SAMD5: variants seen among roughly 807,000 people sequenced by gnomAD.
SAMD5 encodes the protein sterile alpha motif domain containing 5.
SAMD5 carries 13 observed loss-of-function variants against 11.3 expected under a neutral mutation model. The ratio of observed to expected loss-of-function variants is 1.15; its 90% CI spans 0.75 to 1.83. The LOEUF is 1.83. SAMD5 is among the 40% of genes most tolerant of loss of function. The pLI, the probability that SAMD5 is intolerant of heterozygous loss-of-function variation, is 0.00. For missense variants in SAMD5, 255 were observed against 239.1 expected (o/e 1.07, Z -0.44); for synonymous variants, 129 against 111.3 (o/e 1.16, Z -1.00).
chr6:147,663,177 G>T (rs1790670171), intron 1 of SAMD5, among the ~76,000 whole-genome samples: 1 of 152,076 alleles, frequency 6.6e-6, no homozygotes, highest in African/African-American at 2.4e-5. Context: ...CTGTTCATCG[G>T]CATCTGGAAA....
intron 1 of SAMD5, among the ~76,000 whole-genome samples, chr6:147,520,088 G>A (rs1033405292): frequency 5.3e-5 from 8 of 150,034 alleles, no homozygotes; most frequent in African/African-American, 7.4e-5. Context: ...TTATGAAGTT[G>A]CTTTGTAAAA....
chr6:147,896,402 A>G, the SAMD5 span, among the ~76,000 whole-genome samples: 2 of 152,028 alleles, frequency 1.3e-5, no homozygotes, highest in South Asian at 2.1e-4. Context: ...GAGACAGGAC[A>G]ATTCATTCTG....
intron 1 of SAMD5, among the ~76,000 whole-genome samples, chr6:147,599,786 T>C (rs961803): frequency 0.05 from 7,546 of 152,314 alleles, 575 homozygotes; most frequent in African/African-American, 0.16. Context: ...AGGCTGGTCA[T>C]TGGCTGTTTC....
the SAMD5 span, among the ~76,000 whole-genome samples, chr6:147,815,052 A>C: frequency 2.2e-4 from 33 of 152,196 alleles, no homozygotes; most frequent in African/African-American, 7.7e-4. Context: ...CAATAGGCCA[A>C]CTGTCTGGGG....
At chr6:147,561,731 C>A (rs977988986) in intron 1 of SAMD5, among the ~76,000 whole-genome samples, 4 of 152,144 alleles carry the variant, frequency 2.6e-5, no homozygotes, top group Admixed American at 1.3e-4. Flanking sequence ...GCAGTTACCT[C>A]CTTCAAGCTT....
the SAMD5 span, among the ~76,000 whole-genome samples, chr6:147,852,114 T>C: frequency 6.6e-6 from 1 of 152,206 alleles, no homozygotes; most frequent in African/African-American, 2.4e-5. Flanking sequence ...GCATTTGTTT[T>C]GCAAGGCCCT....
chr6:147,772,656 C>T, the SAMD5 span, among the ~76,000 whole-genome samples: 1 of 152,128 alleles, frequency 6.6e-6, no homozygotes, highest in Non-Finnish European at 1.5e-5. Context: ...TCTCTGGGTC[C>T]TCACGGGGTC....
At chr6:147,622,959 C>T (rs1789993897) in intron 1 of SAMD5, among the ~76,000 whole-genome samples, 2 of 152,146 alleles carry the variant, frequency 1.3e-5, no homozygotes, top group African/African-American at 4.8e-5. Flanking sequence ...GAGACTTATT[C>T]ACTACCATGG....
At chr6:147,916,602 A>G in the SAMD5 span, among the ~76,000 whole-genome samples, 1 of 151,974 alleles carries the variant, frequency 6.6e-6, no homozygotes, top group Non-Finnish European at 1.5e-5. Context: ...CATGTGTACA[A>G]TGTGCAGGTT....
the SAMD5 span, among the ~76,000 whole-genome samples, chr6:147,916,278 T>G: frequency 6.6e-6 from 1 of 152,164 alleles, no homozygotes; most frequent in African/African-American, 2.4e-5. Context: ...AGTAATGGGA[T>G]GGCTGGGTCA....
the SAMD5 span, among the ~76,000 whole-genome samples, chr6:147,781,597 C>T: frequency 6.6e-6 from 1 of 152,082 alleles, no homozygotes; most frequent in Non-Finnish European, 1.5e-5. Context: ...GTGCTGTGAC[C>T]TTGGGCAAGA....
At chr6:147,653,469 G>A (rs965026727) in intron 1 of SAMD5, among the ~76,000 whole-genome samples, 3 of 152,194 alleles carry the variant, frequency 2.0e-5, no homozygotes, top group African/African-American at 7.2e-5. Context: ...GCTCCGTCGA[G>A]CAGTCCTCCT....
chr6:147,776,438 C>T, the SAMD5 span, among the ~76,000 whole-genome samples: 4 of 152,094 alleles, frequency 2.6e-5, no homozygotes, highest in Non-Finnish European at 5.9e-5. Context: ...CTCCTTCGCA[C>T]TCTGGTTTGG....
intron 1 of SAMD5, among the ~76,000 whole-genome samples, chr6:147,708,112 C>T (rs1200052473): frequency 6.6e-6 from 1 of 152,124 alleles, no homozygotes; most frequent in African/African-American, 2.4e-5. Context: ...AACCCCAGAA[C>T]CTCAGAATGT....
At chr6:147,659,261 A>T (rs192996280) in intron 1 of SAMD5, among the ~76,000 whole-genome samples, 38 of 40,094 alleles carry the variant, frequency 9.5e-4, no homozygotes, top group East Asian at 3.2e-3. Context: ...CAGTACATTT[A>T]AAAAAAAATA....
At chr6:147,627,377 A>T (rs1396636212) in intron 1 of SAMD5, among the ~76,000 whole-genome samples, 1 of 152,192 alleles carries the variant, frequency 6.6e-6, no homozygotes, top group Non-Finnish European at 1.5e-5. Context: ...TTTTTATCAT[A>T]CTAATTTGTA....
chr6:147,568,658 A>T lies in SAMD5; in HGVS notation c.*4202A>T. On this transcript the variant is annotated 3_prime_UTR_variant, in exon 2 of 2. Transcript: ENST00000367474. ...CACACATAGTGACTTTATTAAATCA[A>T]ATGAGTTGTGCAGAGCAGAGCAAAT... is the stretch of plus-strand genomic sequence containing the variant. The T allele has an allele frequency of 1.0e-6, 1 of 985,394 alleles. No individual in the cohort carries two copies. Among genetic ancestry groups the T allele is most frequent in the Non-Finnish European group, 1.2e-6 (1 of 829,886 alleles). The allele number at this position is 985,394 out of a possible 1,614,324, so 61.0% of individuals were successfully genotyped here.
chr6:147,945,450 C>T, the SAMD5 span, among the ~76,000 whole-genome samples: 15,360 of 152,086 alleles, frequency 0.1, 1,056 homozygotes, highest in South Asian at 0.29. Flanking sequence ...GTTATTTATC[C>T]GTGTATAAAT....
chr6:147,935,668 A>G, the SAMD5 span, among the ~76,000 whole-genome samples: 2 of 152,210 alleles, frequency 1.3e-5, no homozygotes, highest in Non-Finnish European at 2.9e-5. Flanking sequence ...GTATTTTAAA[A>G]TGGAGAAACC....
Sources: gnomAD v4.1 joint callset for allele counts (sites outside exome capture counted in the v4.1 genomes callset) on GRCh38, gnomAD v4.1.1 for gene constraint, MANE v1.5 for transcripts, NCBI Gene and HGNC (gene_info 2026-07-23, HGNC 2026-07-21) for gene names.